The following ADAMTS14 variants were observed in gnomAD, a reference collection of about 807,000 sequenced individuals.
The protein encoded by ADAMTS14 is A disintegrin and metalloproteinase with thrombospondin motifs 14.
In ADAMTS14, 100 loss-of-function variants were observed where a neutral mutation model predicts 128.6. The observed-to-expected ratio is 0.78, with a 90% CI of 0.66 to 0.92. The LOEUF (loss-of-function observed/expected upper bound fraction) is 0.92, where lower values mean the gene tolerates loss of function less well. Among genes scored for constraint, ADAMTS14 ranks in the 40% least tolerant of loss-of-function variants. The pLI, the probability that ADAMTS14 is intolerant of heterozygous loss-of-function variation, is 0.00. For synonymous variants in ADAMTS14, 665 were observed against 653.8 expected, an observed-to-expected ratio of 1.02 and a Z score of -0.26; for missense variants, 1,562 against 1,658.6, an observed-to-expected ratio of 0.94 and a Z score of 1.01.
At chr10:70,711,405 C>G (rs902492243) in intron 4 of ADAMTS14, among the ~76,000 whole-genome samples, 2 of 152,218 alleles carry the variant, frequency 1.3e-5, no homozygotes, top group African/African-American at 4.8e-5. Context: ...GGGAGAGCAT[C>G]AGTGCTCCAA....
intron 4 of ADAMTS14, among the ~76,000 whole-genome samples, chr10:70,719,574 ATT>A (rs1241539492): frequency 3.6e-4 from 52 of 143,656 alleles, no homozygotes; most frequent in Admixed American, 1.2e-3. Flanking sequence ...GCTAATTTTT[ATT>A]TTTTTTTTTA....
intron 21 of ADAMTS14, among the ~76,000 whole-genome samples, chr10:70,759,129 T>TTTTTTTTTTTTTTTTTTTTTTTTGTG (rs1485675752): frequency 8.9e-6 from 1 of 112,608 alleles, no homozygotes. Context: ...TCCAATCTTC[T>TTTTTTTTTTTTTTTTTTTTTTTTGTG]ACTTCTCTGC....
At chr10:70,681,730 TGGAGTGTGG>T (rs1344796166) in intron 2 of ADAMTS14, among the ~76,000 whole-genome samples, 1 of 152,182 alleles carries the variant, frequency 6.6e-6, no homozygotes, top group Admixed American at 6.5e-5. Flanking sequence ...TTTGGAGGTG[TGGAGTGTGG>T]AGGCTTGGAG....
intron 4 of ADAMTS14, among the ~76,000 whole-genome samples, chr10:70,719,368 AC>A (rs1311640445): frequency 1.5e-3 from 2 of 1,330 alleles, no homozygotes; most frequent in African/African-American, 7.0e-3. Flanking sequence ...CTCCACAAAT[AC>A]ACACACACAC....
rs761881397 is a variant in ADAMTS14 at position 70,674,694 on chromosome 10, C to G, written c.221C>G (p.Pro74Arg). ...GGGAGCATGGTAGTGGACACGCCAC[C>G]CACACTACCACGACACTCCAGTCAC... ...SAGSMVVDTP[P>R]TLPRHSSHLR... is the part of the protein sequence containing the mutation. Residue 74 changes from proline (P) to arginine (R), a missense_variant, in exon 2 of 22, where the codon CCC (proline) becomes CGC (arginine). Physicochemically the swap from Pro to Arg is moderately radical, Grantham distance 103 (BLOSUM62 -2). Transcript: ENST00000373207. 1 of 1,613,456 alleles carries G rather than the reference C, an allele frequency of 6.2e-7. No individual in the cohort carries two copies. Among genetic ancestry groups the G allele is most frequent in the African/African-American group, 1.3e-5 (1 of 74,936 alleles).
chr10:70,705,973 C>A (rs911358339), intron 3 of ADAMTS14, among the ~76,000 whole-genome samples: 1 of 152,226 alleles, frequency 6.6e-6, no homozygotes, highest in Non-Finnish European at 1.5e-5. Flanking sequence ...TCACATGGCA[C>A]CTCTAGGTTT....
At chr10:70,722,552 G>C (rs567166251) in intron 4 of ADAMTS14, among the ~76,000 whole-genome samples, 4 of 152,262 alleles carry the variant, frequency 2.6e-5, no homozygotes, top group Admixed American at 2.6e-4. Context: ...CCTCCTTGGA[G>C]GTCCTTGGAG....
intron 2 of ADAMTS14, among the ~76,000 whole-genome samples, chr10:70,688,620 C>G (rs1840066520): frequency 9.6e-6 from 1 of 104,436 alleles, no homozygotes; most frequent in Non-Finnish European, 2.1e-5. Flanking sequence ...AATCCCGGCA[C>G]CTCGGGAGGC....
intron 3 of ADAMTS14, among the ~76,000 whole-genome samples, chr10:70,703,906 G>A (rs1195895200): frequency 6.6e-6 from 1 of 152,252 alleles, no homozygotes; most frequent in African/African-American, 2.4e-5. Flanking sequence ...AGAAAGACCA[G>A]GGGCAGGAGA....
chr10:70,736,523 G>A (rs1589317707), intron 9 of ADAMTS14, among the ~76,000 whole-genome samples, 157 bp from the exon 10 acceptor site: 1 of 152,186 alleles, frequency 6.6e-6, no homozygotes, highest in Admixed American at 6.5e-5. Context: ...GGTACTTGGA[G>A]TTGAGTAAAC....
At position 70,747,663 on chromosome 10, in the gene ADAMTS14, C is replaced by T. The variant is rs114470389; in HGVS notation, c.2264-2159C>T. Among the ~76,000 whole-genome samples, 193 of 152,348 alleles carry T rather than the reference C, an allele frequency of 1.3e-3. 1 individual carries two copies. The highest frequency in any genetic ancestry group is 4.4e-3 in the African/African-American group (182 of 41,582). On this transcript the variant is annotated intron_variant, in intron 15 of 21. Transcript: ENST00000373207. ...TCTTCTGTGGAGGTCATGGCAGAGGCTGCTAGCATCCGGGGCAGGCCGAGT... is the reference window on the plus strand; with the variant it reads ...TCTTCTGTGGAGGTCATGGCAGAGGTTGCTAGCATCCGGGGCAGGCCGAGT...
intron 3 of ADAMTS14, among the ~76,000 whole-genome samples, chr10:70,703,473 C>A (rs1840557408): frequency 6.6e-6 from 1 of 152,202 alleles, no homozygotes; most frequent in Non-Finnish European, 1.5e-5. Flanking sequence ...CTCCAAGTAT[C>A]ACTCATAAGA....
intron 10 of ADAMTS14, 148 bp from the exon 11 acceptor site, chr10:70,738,694 G>A: frequency 6.6e-6 from 7 of 1,064,020 alleles, no homozygotes; most frequent in Non-Finnish European, 9.4e-6. Flanking sequence ...AGAAAGGCAA[G>A]CCTTTTGTTT....
At chr10:70,696,357 G>A (rs564674083) in intron 2 of ADAMTS14, among the ~76,000 whole-genome samples, 8 of 149,356 alleles carry the variant, frequency 5.4e-5, no homozygotes, top group Non-Finnish European at 1.2e-4. Flanking sequence ...ACTGGGCAGG[G>A]GGGCAGTGTT....
At position 70,721,652 on chromosome 10, in the gene ADAMTS14, G is replaced by T. The variant is rs151280743; in HGVS notation, c.871-7642G>T. Among the ~76,000 whole-genome samples, 587 of 152,312 alleles carry T rather than the reference G, an allele frequency of 3.9e-3. 4 individuals are homozygous for T. The highest frequency in any genetic ancestry group is 0.013 in the African/African-American group (556 of 41,574). ...TCCACCCGCCTTGGCCTTCCAAAGT[G>T]CTGGGATTACAGGCGTGAGCCACTG... On this transcript the variant is annotated intron_variant, in intron 4 of 21. Coordinates refer to ENST00000373207, the MANE Select transcript of ADAMTS14 (RefSeq NM_080722.4).
At chr10:70,746,008 A>G (rs1842167524) in intron 15 of ADAMTS14, among the ~76,000 whole-genome samples, 1 of 152,206 alleles carries the variant, frequency 6.6e-6, no homozygotes, top group Non-Finnish European at 1.5e-5. Flanking sequence ...TCCAAATCAC[A>G]TGGACAAGCC....
In ADAMTS14 at chr10:70,736,001, G is replaced by A. The variant is rs149532059; in HGVS notation, c.1486-679G>A. On this transcript the variant is annotated intron_variant, in intron 9 of 21. Transcript: ENST00000373207. ...TCTTCACCTCCGTGGAATGGGGAGC[G>A]CCCCCAACCATGTGTGGACACCTTC... 6.9e-3 allele frequency among the ~76,000 whole-genome samples: 1,057 copies of A among 152,316 alleles called. 7 individuals carry two copies. Among genetic ancestry groups the A allele is most frequent in the Middle Eastern group, 0.037 (11 of 294 alleles).
chr10:70,740,544 A>T (rs953941392), intron 11 of ADAMTS14, among the ~76,000 whole-genome samples: 1 of 151,962 alleles, frequency 6.6e-6, no homozygotes, highest in Non-Finnish European at 1.5e-5. Flanking sequence ...TTCTTTTACC[A>T]CTCCTTAGTT....
intron 4 of ADAMTS14, among the ~76,000 whole-genome samples, chr10:70,727,627 C>T (rs1013908655): frequency 1.3e-5 from 2 of 152,106 alleles, no homozygotes; most frequent in African/African-American, 2.4e-5. Context: ...GCTGGCATCA[C>T]ATCCCTGACC....
Sources: gnomAD v4.1 joint callset for allele counts (sites outside exome capture counted in the v4.1 genomes callset) on GRCh38, gnomAD v4.1.1 for gene constraint, MANE v1.5 for transcripts, NCBI Gene and HGNC (gene_info 2026-07-23, HGNC 2026-07-21) for gene names.